The following SLIT3 variants were observed in gnomAD, a reference collection of about 807,000 sequenced individuals.
The protein encoded by SLIT3 is slit homolog 3 protein.
Under a neutral mutation model 184.0 loss-of-function variants are expected in SLIT3, and 68 were observed. That is an observed-to-expected ratio of 0.37 (90% confidence interval 0.30 to 0.45). The LOEUF is 0.45. SLIT3 is among the 20% of genes least tolerant of loss of function. The probability of loss-of-function intolerance (pLI) is 1.00; values close to 1 mark genes in which losing one functional copy is unlikely to be tolerated. For missense variants in SLIT3, 1,707 were observed against 2,026.0 expected (o/e 0.84, Z 3.02); for synonymous variants, 831 against 828.6 (o/e 1.00, Z -0.05).
chr5:168,860,111 T>A (rs1759047316), intron 5 of SLIT3, among the ~76,000 whole-genome samples: 1 of 152,104 alleles, frequency 6.6e-6, no homozygotes, highest in Admixed American at 6.5e-5. Flanking sequence ...GCTATAGAGT[T>A]GTAAAATGCC....
intron 4 of SLIT3, among the ~76,000 whole-genome samples, chr5:168,999,342 G>A (rs970848220): frequency 6.6e-6 from 1 of 151,690 alleles, no homozygotes; most frequent in Non-Finnish European, 1.5e-5. Context: ...ATCTTGTGCT[G>A]CTGGCTTTAC....
chr5:169,252,700 A>G (rs1765817134), intron 1 of SLIT3, among the ~76,000 whole-genome samples: 1 of 152,108 alleles, frequency 6.6e-6, no homozygotes, highest in Admixed American at 6.5e-5. Context: ...ACATTTATAT[A>G]CTAAGAGCCA....
At chr5:168,959,960 G>A (rs985712562) in intron 4 of SLIT3, among the ~76,000 whole-genome samples, 3 of 152,166 alleles carry the variant, frequency 2.0e-5, no homozygotes, top group Non-Finnish European at 4.4e-5. Flanking sequence ...GAAGGCTCAG[G>A]GAGGTTAACT....
At chr5:168,909,067 T>C (rs1761170219) in intron 4 of SLIT3, among the ~76,000 whole-genome samples, 1 of 152,222 alleles carries the variant, frequency 6.6e-6, no homozygotes, top group African/African-American at 2.4e-5. Context: ...CAAAGGCTTG[T>C]CTATGCAGAC....
chr5:169,137,374 C>A (rs999668728), intron 4 of SLIT3, among the ~76,000 whole-genome samples: 2 of 129,954 alleles, frequency 1.5e-5, no homozygotes, highest in East Asian at 4.5e-4. Flanking sequence ...TGCTTCACAG[C>A]GGGAAGCAGG....
chr5:168,673,618 A>G (rs138081418), intron 32 of SLIT3, among the ~76,000 whole-genome samples: 1 of 152,356 alleles, frequency 6.6e-6, no homozygotes, highest in Non-Finnish European at 1.5e-5. Flanking sequence ...ACAGCCCTTT[A>G]TCCTTAGATA....
chr5:168,942,607 T>A (rs781535967), intron 4 of SLIT3, among the ~76,000 whole-genome samples: 4 of 152,364 alleles, frequency 2.6e-5, no homozygotes, highest in Non-Finnish European at 4.4e-5. Flanking sequence ...GCTTCTGCCC[T>A]AAACTTTACT....
chr5:168,877,643 G>C (rs1351889813), intron 5 of SLIT3, among the ~76,000 whole-genome samples: 1 of 152,162 alleles, frequency 6.6e-6, no homozygotes, highest in Non-Finnish European at 1.5e-5. Flanking sequence ...GAAGCAGGAG[G>C]GCAGACACGG....
chr5:169,210,076 C>T (rs1419905419), intron 3 of SLIT3, among the ~76,000 whole-genome samples: 1 of 152,150 alleles, frequency 6.6e-6, no homozygotes, highest in African/African-American at 2.4e-5. Flanking sequence ...GCAAGATAAG[C>T]CCCGTGTGAA....
At chr5:168,931,329 G>C (rs554182374) in intron 4 of SLIT3, among the ~76,000 whole-genome samples, 58 of 152,350 alleles carry the variant, frequency 3.8e-4, no homozygotes, top group African/African-American at 1.3e-3. Flanking sequence ...TCTGCAAGAT[G>C]AGGGAGTTGG....
intron 1 of SLIT3, among the ~76,000 whole-genome samples, chr5:169,259,740 A>C (rs563863893): frequency 1.3e-5 from 2 of 152,304 alleles, no homozygotes; most frequent in Admixed American, 1.3e-4. Context: ...GCTGAACTAC[A>C]TGACCTATGG....
chr5:169,008,263 A>G (rs1400817315), intron 4 of SLIT3, among the ~76,000 whole-genome samples: 1 of 152,220 alleles, frequency 6.6e-6, no homozygotes, highest in East Asian at 1.9e-4. Context: ...GACTCATGAA[A>G]AAAAGCAAAT....
chr5:169,292,753 T>G (rs368044056), intron 1 of SLIT3, among the ~76,000 whole-genome samples: 1 of 152,330 alleles, frequency 6.6e-6, no homozygotes. Context: ...GAAAAGCTGA[T>G]GAAATGAAAT....
chr5:169,030,714 T>G (rs1053597308), intron 4 of SLIT3, among the ~76,000 whole-genome samples: 1 of 152,232 alleles, frequency 6.6e-6, no homozygotes, highest in African/African-American at 2.4e-5. Flanking sequence ...CTATTCAAAA[T>G]ATTTTCATCT....
At chr5:169,214,330 A>C (rs1375307212) in intron 3 of SLIT3, among the ~76,000 whole-genome samples, 1 of 152,212 alleles carries the variant, frequency 6.6e-6, no homozygotes. Context: ...GCTCAGGAGA[A>C]AGCACTGTGT....
intron 23 of SLIT3, among the ~76,000 whole-genome samples, chr5:168,716,052 C>T (rs559751647): frequency 2.0e-5 from 3 of 148,900 alleles, no homozygotes; most frequent in East Asian, 4.1e-4. Context: ...ACTGTAACCT[C>T]GACCTCCTGG....
At chr5:168,969,619 A>G (rs980455137) in intron 4 of SLIT3, among the ~76,000 whole-genome samples, 35 of 152,244 alleles carry the variant, frequency 2.3e-4, no homozygotes, top group African/African-American at 7.2e-4. Context: ...GCTCCGCTCA[A>G]TCTGGCTGAT....
chr5:168,690,289 C>G (rs1761867043), intron 29 of SLIT3, among the ~76,000 whole-genome samples: 1 of 152,038 alleles, frequency 6.6e-6, no homozygotes, highest in Admixed American at 6.6e-5. Context: ...GGAGTGTGCC[C>G]ACACCTGGCT....
intron 12 of SLIT3, 97 bp from the exon 13 acceptor site, chr5:168,774,475 C>A: frequency 1.6e-6 from 2 of 1,285,408 alleles, no homozygotes; most frequent in Non-Finnish European, 2.2e-6. Context: ...AAGCTCCCAT[C>A]ACTCATCCTT....
Sources: gnomAD v4.1 joint callset for allele counts (sites outside exome capture counted in the v4.1 genomes callset) on GRCh38, gnomAD v4.1.1 for gene constraint, MANE v1.5 for transcripts, NCBI Gene and HGNC (gene_info 2026-07-23, HGNC 2026-07-21) for gene names.